The following SLC25A37 variants were observed in gnomAD, a reference collection of about 807,000 sequenced individuals.
The protein encoded by SLC25A37 is solute carrier family 25 member 37.
A neutral mutation model predicts 31.0 loss-of-function variants in SLC25A37; 17 were observed. The ratio of observed to expected loss-of-function variants is 0.55; its 90% confidence interval spans 0.38 to 0.82. The LOEUF (loss-of-function observed/expected upper bound fraction) is 0.82, where lower values mean the gene tolerates loss of function less well. Among genes scored for constraint, SLC25A37 ranks in the 40% least tolerant of loss-of-function variants. The probability of loss-of-function intolerance (pLI) is 0.00; values close to 1 mark genes in which losing one functional copy is unlikely to be tolerated. For missense variants in SLC25A37, 404 were observed against 465.8 expected (o/e 0.87, Z 1.22); for synonymous variants, 222 against 193.0 (o/e 1.15, Z -1.24).
intron 1 of SLC25A37, among the ~76,000 whole-genome samples, chr8:23,557,002 C>G (rs1802385203): frequency 6.6e-6 from 1 of 152,090 alleles, no homozygotes; most frequent in South Asian, 2.1e-4. Flanking sequence ...AGGCGTGTGC[C>G]ACTACACCTG....
intron 1 of SLC25A37, among the ~76,000 whole-genome samples, chr8:23,538,828 G>A (rs1050145635): frequency 6.6e-6 from 1 of 152,198 alleles, no homozygotes. Flanking sequence ...AAGGTCTGGC[G>A]TGTATGGACT....
intron 1 of SLC25A37, among the ~76,000 whole-genome samples, chr8:23,545,176 G>A (rs1383215696): frequency 2.6e-5 from 4 of 152,190 alleles, no homozygotes; most frequent in African/African-American, 7.2e-5. Flanking sequence ...TGGTGTAGGC[G>A]ACAACTGTGC....
At chr8:23,557,762 G>T (rs946003300) in intron 1 of SLC25A37, among the ~76,000 whole-genome samples, 3 of 152,216 alleles carry the variant, frequency 2.0e-5, no homozygotes, top group Non-Finnish European at 2.9e-5. Flanking sequence ...TTTTACTGTG[G>T]TTTATTTAGT....
rs1801629271 is a variant in SLC25A37, at chr8:23,529,839, A to C, written c.210+627A>C. ...GAGGGTTCCTGCACTTCTTCCCCCGACTTTGGGTCGCCGAGCCGCCGGGAG... is the reference window on the plus strand; with the variant it reads ...GAGGGTTCCTGCACTTCTTCCCCCGCCTTTGGGTCGCCGAGCCGCCGGGAG... On this transcript the variant is annotated intron_variant, in intron 1 of 3. Transcript: ENST00000519973. The surrounding 1 kb of genome is among the most constrained non-coding windows in gnomAD (Gnocchi z 4.1). Among the ~76,000 whole-genome samples the C allele has an allele frequency of 6.6e-6, 1 of 151,538 alleles. No individual in the cohort carries two copies. Among genetic ancestry groups the C allele is most frequent in the Admixed American group, 6.6e-5 (1 of 15,240 alleles).
At chr8:23,566,374 C>G (rs1209160929) in intron 2 of SLC25A37, 38 bp downstream of exon 2, 3 of 1,585,224 alleles carry the variant, frequency 1.9e-6, no homozygotes, top group South Asian at 2.3e-5. Context: ...AGAAAGTTCT[C>G]TTCTTCAACA....
At position 23,554,377 on chromosome 8, in the gene SLC25A37, G is replaced by C. The variant is rs537418382; in HGVS notation, c.211-11731G>C. On this transcript the variant is annotated intron_variant, in intron 1 of 3. Transcript: ENST00000519973. ...GGGCAGGGCAGGACAGGGAAGCTGG[G>C]CAGGAGAGACTGGCAGCTCAGTTCC... Among the ~76,000 whole-genome samples, 7 of 152,318 alleles carry C rather than the reference G, an allele frequency of 4.6e-5. No individual in the cohort carries two copies. In the East Asian group the frequency reaches 1.4e-3, roughly 29 times the overall value.
At chr8:23,546,008 G>A (rs1377260307) in intron 1 of SLC25A37, among the ~76,000 whole-genome samples, 3 of 152,116 alleles carry the variant, frequency 2.0e-5, no homozygotes, top group Non-Finnish European at 4.4e-5. Flanking sequence ...GGTAGCAGAT[G>A]CCTATAATCT....
intron 3 of SLC25A37, chr8:23,568,905 T>G (rs968599042): frequency 6.7e-6 from 1 of 149,008 alleles, no homozygotes; most frequent in Non-Finnish European, 1.4e-5. Context: ...AGTACGCCAC[T>G]GTACTCCAGC....
chr8:23,539,250 G>A (rs1801841280), intron 1 of SLC25A37, among the ~76,000 whole-genome samples: 1 of 152,212 alleles, frequency 6.6e-6, no homozygotes, highest in African/African-American at 2.4e-5. Context: ...TGTGGGTCAA[G>A]TTGAGGGACT....
chr8:23,529,512 G>A lies in SLC25A37; in HGVS notation c.210+300G>A, dbSNP rs1299066892. Among the ~76,000 whole-genome samples, 1 of 152,024 alleles carries A rather than the reference G, an allele frequency of 6.6e-6. No individual in the cohort carries two copies. Among genetic ancestry groups the A allele is most frequent in the Non-Finnish European group, 1.5e-5 (1 of 67,936 alleles). On this transcript the variant is annotated intron_variant, in intron 1 of 3. Coordinates refer to ENST00000519973, the MANE Select transcript of SLC25A37 (RefSeq NM_016612.4). The surrounding 1 kb of genome is among the most constrained non-coding windows in gnomAD (Gnocchi z 4.1). ...CGGAGTGGCGAGCACCGCTGGCTTC[G>A]GCGGCGACTGGGCTCCCGGGGGACG...
intron 1 of SLC25A37, among the ~76,000 whole-genome samples, chr8:23,556,230 ATTTTTT>A (rs10687321): frequency 1.4e-5 from 2 of 139,952 alleles, no homozygotes; most frequent in African/African-American, 5.3e-5. Context: ...AAGAGCACCA[ATTTTTT>A]TTTTTTTTTT....
At chr8:23,557,178 T>C (rs1051836463) in intron 1 of SLC25A37, among the ~76,000 whole-genome samples, 1 of 152,168 alleles carries the variant, frequency 6.6e-6, no homozygotes, top group African/African-American at 2.4e-5. Flanking sequence ...ACATGGCTTT[T>C]CAAAGGGCCA....
Position 23,571,866 on chromosome 8 carries a change from C to G in SLC25A37, c.*11C>G, listed in dbSNP as rs1467397899. The G allele has an allele frequency of 6.2e-7, 1 of 1,603,134 alleles. No homozygotes were observed. The highest frequency in any genetic ancestry group is 1.3e-5 in the African/African-American group (1 of 74,558). On this transcript the variant is annotated 3_prime_UTR_variant, in exon 4 of 4. Transcript: ENST00000519973. ...CGAGCTCCATACTAAAGGAAGGGAT[C>G]ATAGAATCTTTTCTTAAAGTCATTC... is the stretch of plus-strand genomic sequence containing the variant.
At position 23,542,377 on chromosome 8, in the gene SLC25A37, CTTTTTTT is replaced by C. The variant is rs59713954; in HGVS notation, c.210+13177_210+13183del. Among the ~76,000 whole-genome samples the C allele has an allele frequency of 4.2e-5, 5 of 118,144 alleles. No homozygotes were observed. The South Asian group carries it at 1.1e-3, about 26-fold the overall frequency. The allele number at this position is 118,144 out of a possible 152,430, so 77.5% of individuals were successfully genotyped here. Reference sequence around the variant, plus strand: ...GTCATTACTTTAGAGTGTACTCCTACTTTTTTTTTTTTTTTTTTGAGATGGAGTTTCA... The same window carrying C: ...GTCATTACTTTAGAGTGTACTCCTACTTTTTTTTTTTGAGATGGAGTTTCA... On this transcript the variant is annotated intron_variant, in intron 1 of 3. Coordinates refer to ENST00000519973, the MANE Select transcript of SLC25A37 (RefSeq NM_016612.4).
intron 1 of SLC25A37, among the ~76,000 whole-genome samples, chr8:23,554,728 C>T (rs562876084): frequency 1.3e-5 from 2 of 152,182 alleles, no homozygotes; most frequent in South Asian, 2.1e-4. Flanking sequence ...TGCCAGTGGG[C>T]GGAGAGGGAA....
At chr8:23,555,210 C>T (rs1473054517) in intron 1 of SLC25A37, among the ~76,000 whole-genome samples, 1 of 152,204 alleles carries the variant, frequency 6.6e-6, no homozygotes, top group Non-Finnish European at 1.5e-5. Flanking sequence ...TGTTTTCTTC[C>T]TCTCCATGCC....
chr8:23,547,145 C>G (rs1324128871), intron 1 of SLC25A37, among the ~76,000 whole-genome samples: 1 of 152,178 alleles, frequency 6.6e-6, no homozygotes, highest in Non-Finnish European at 1.5e-5. Context: ...CAAGTTACTG[C>G]AAAGCTGGGC....
chr8:23,545,940 G>A (rs560685679), intron 1 of SLC25A37, among the ~76,000 whole-genome samples: 8 of 152,166 alleles, frequency 5.3e-5, no homozygotes, highest in Non-Finnish European at 1.2e-4. Context: ...TTTGAGACCA[G>A]CCTGGCCAAC....
At chr8:23,570,927 G>A (rs1250698407) in intron 3 of SLC25A37, among the ~76,000 whole-genome samples, 2 of 152,142 alleles carry the variant, frequency 1.3e-5, no homozygotes, top group South Asian at 2.1e-4. Flanking sequence ...ATGTGTTGGG[G>A]AAGGAGGAGG....
Sources: allele counts gnomAD v4.1 joint callset (sites outside exome capture counted in the v4.1 genomes callset), GRCh38; gene constraint gnomAD v4.1.1; non-coding constraint Gnocchi (gnomAD v3.1); transcripts MANE v1.5; gene names NCBI Gene and HGNC (gene_info 2026-07-23, HGNC 2026-07-21).